The following RBFOX1 variants were observed in gnomAD, a reference collection of about 807,000 sequenced individuals.
The protein encoded by RBFOX1 is RNA binding protein fox-1 homolog 1.
A neutral mutation model predicts 57.7 loss-of-function variants in RBFOX1; 8 were observed. That is an observed-to-expected ratio of 0.14 (90% CI 0.08 to 0.25). The LOEUF is 0.25. Among genes scored for constraint, RBFOX1 ranks in the 10% least tolerant of loss-of-function variants. The pLI, the probability that RBFOX1 is intolerant of heterozygous loss-of-function variation, is 1.00. For missense variants in RBFOX1, 611 were observed against 548.5 expected (o/e 1.11, Z -1.14); for synonymous variants, 326 against 222.4 (o/e 1.47, Z -4.15).
At chr16:6,324,617 G>A (rs2082166463) in intron 2 of RBFOX1, among the ~76,000 whole-genome samples, 1 of 152,170 alleles carries the variant, frequency 6.6e-6, no homozygotes, top group Non-Finnish European at 1.5e-5. Context: ...CCAATGGGAT[G>A]TTACTAAACT....
chr16:6,974,734 T>G (rs2086424106), intron 3 of RBFOX1, among the ~76,000 whole-genome samples: 1 of 152,092 alleles, frequency 6.6e-6, no homozygotes, highest in African/African-American at 2.4e-5. Flanking sequence ...TTTTCTTATC[T>G]CTTAACTGAA....
At chr16:7,284,606 C>G (rs943670232) in intron 4 of RBFOX1, among the ~76,000 whole-genome samples, 14 of 152,182 alleles carry the variant, frequency 9.2e-5, no homozygotes, top group African/African-American at 2.7e-4. Flanking sequence ...GCTAGGATGA[C>G]AGGCATAAGC....
At chr16:5,713,287 G>A (rs1460633032) in intron 3 of RBFOX1, among the ~76,000 whole-genome samples, 2 of 152,276 alleles carry the variant, frequency 1.3e-5, no homozygotes, top group Non-Finnish European at 2.9e-5. Flanking sequence ...ACCTTTGAGC[G>A]ATGAGGGAGA....
intron 2 of RBFOX1, among the ~76,000 whole-genome samples, chr16:5,590,249 G>A (rs2046963929): frequency 1.3e-5 from 2 of 152,084 alleles, no homozygotes; most frequent in Admixed American, 1.3e-4. Context: ...GTGTTCCAAA[G>A]AGGGGAAAAA....
chr16:5,686,910 G>C (rs2050522203), intron 3 of RBFOX1, among the ~76,000 whole-genome samples: 1 of 152,252 alleles, frequency 6.6e-6, no homozygotes, highest in African/African-American at 2.4e-5. Context: ...AATGAGCCTG[G>C]ATTTACTTCA....
chr16:5,304,235 A>G (rs2063876601), intron 1 of RBFOX1, among the ~76,000 whole-genome samples: 1 of 152,202 alleles, frequency 6.6e-6, no homozygotes, highest in South Asian at 2.1e-4. Flanking sequence ...GCTCCTGTGC[A>G]GTAGAATTTA....
intron 3 of RBFOX1, among the ~76,000 whole-genome samples, chr16:6,820,796 A>G (rs1701173222): frequency 6.6e-6 from 1 of 152,202 alleles, no homozygotes; most frequent in Non-Finnish European, 1.5e-5. Flanking sequence ...AAGGCCTGTG[A>G]ATGAGCACAG....
At chr16:6,763,785 T>C (rs1022455805) in intron 3 of RBFOX1, among the ~76,000 whole-genome samples, 2 of 152,232 alleles carry the variant, frequency 1.3e-5, no homozygotes, top group Non-Finnish European at 2.9e-5. Flanking sequence ...TGTTTAAATG[T>C]GTTCACACTG....
chr16:7,713,125 A>G lies in RBFOX1; in HGVS notation c.*2380A>G, dbSNP rs1488953649. On this transcript the variant is annotated 3_prime_UTR_variant, in exon 16 of 16. Coordinates refer to ENST00000550418, the MANE Select transcript of RBFOX1 (RefSeq NM_018723.4). ...AACAGTATTTATTTGGAATGTTTTC[A>G]TTTATCTAAATAACTATTGCTATTA... 6.6e-6 allele frequency: 1 copy of G among 152,166 alleles called. No individual in the cohort carries two copies. The allele number at this position is 152,166 out of a possible 1,614,324, so 9.4% of individuals were successfully genotyped here.
intron 4 of RBFOX1, among the ~76,000 whole-genome samples, chr16:7,440,784 C>T (rs535672272): frequency 6.6e-6 from 1 of 152,070 alleles, no homozygotes; most frequent in Non-Finnish European, 1.5e-5. Flanking sequence ...CAACTTCATC[C>T]CTTCCTCTCT....
rs748095632 is a variant in RBFOX1, at chr16:5,821,288, C to CTTTTTTTT, written c.319-46008_319-46007insTTTTTTTT. On this transcript the variant is annotated intron_variant, in intron 3 of 19. Coordinates refer to the RBFOX1 transcript ENST00000641259. ...GGAAGTGGGCTGTCTGTCATTCTCTCTTTTTTTATTTTTTTTTTTTTTTTT... is the reference window on the plus strand; with the variant it reads ...GGAAGTGGGCTGTCTGTCATTCTCTCTTTTTTTTTTTTTTTATTTTTTTTTTTTTTTTT... 7.2e-5 allele frequency among the ~76,000 whole-genome samples: 9 copies of CTTTTTTTT among 125,446 alleles called. 1 individual carries two copies. The highest frequency in any genetic ancestry group is 2.5e-4 in the South Asian group (1 of 4,010). The allele number at this position is 125,446 out of a possible 152,430, so 82.3% of individuals were successfully genotyped here. A position where few individuals can be genotyped will look rare whatever the true frequency, so the allele number is the denominator to read the frequency against.
intron 4 of RBFOX1, among the ~76,000 whole-genome samples, chr16:6,006,374 G>T (rs1213307275): frequency 9.9e-6 from 1 of 101,340 alleles, no homozygotes; most frequent in African/African-American, 3.8e-5. Flanking sequence ...CCTACTGTAG[G>T]GAAAAAAAAA....
chr16:5,929,128 C>T (rs1391345984), intron 4 of RBFOX1, among the ~76,000 whole-genome samples: 5 of 151,618 alleles, frequency 3.3e-5, no homozygotes, highest in African/African-American at 1.2e-4. Context: ...TTGACAGAGA[C>T]ATTGCTTTGG....
At chr16:6,509,136 A>T (rs2096190798) in intron 2 of RBFOX1, among the ~76,000 whole-genome samples, 1 of 152,222 alleles carries the variant, frequency 6.6e-6, no homozygotes. Context: ...TTTTGTCTTA[A>T]GTAACCCTTA....
intron 5 of RBFOX1, among the ~76,000 whole-genome samples, chr16:7,534,723 C>A (rs10459830): frequency 0.041 from 6,172 of 152,152 alleles, 192 homozygotes; most frequent in East Asian, 0.11. Context: ...GTAAGGGTTC[C>A]TAGGATAGGA....
At chr16:6,783,159 A>G (rs993691723) in intron 3 of RBFOX1, among the ~76,000 whole-genome samples, 1 of 150,346 alleles carries the variant, frequency 6.7e-6, no homozygotes, top group Non-Finnish European at 1.5e-5. Flanking sequence ...GGCAGCATAT[A>G]GTTGGGTCTT....
chr16:5,901,078 C>G (rs541305731), intron 4 of RBFOX1, among the ~76,000 whole-genome samples: 2 of 152,298 alleles, frequency 1.3e-5, no homozygotes, highest in African/African-American at 2.4e-5. Context: ...CTTCTTCACT[C>G]TGTGCTGTGA....
chr16:5,461,690 G>A (rs957160266), intron 1 of RBFOX1, among the ~76,000 whole-genome samples: 3 of 152,122 alleles, frequency 2.0e-5, no homozygotes, highest in African/African-American at 7.2e-5. Context: ...GCATTTGGTG[G>A]GTTTCCTTGG....
chr16:5,908,175 TAC>T lies in RBFOX1; in HGVS notation c.351+40844_351+40845del, dbSNP rs1165602525. Among the ~76,000 whole-genome samples, 560 of 143,686 alleles carry T rather than the reference TAC, an allele frequency of 3.9e-3. 5 individuals are homozygous for T. The highest frequency in any genetic ancestry group is 8.1e-3 in the African/African-American group (308 of 37,960). 94.3% of individuals were successfully genotyped at this position (143,686 alleles called of 152,430 possible). A position where few individuals can be genotyped will look rare whatever the true frequency, so the allele number is the denominator to read the frequency against. On this transcript the variant is annotated intron_variant, in intron 4 of 19. Transcript: ENST00000641259. The stretch of plus-strand genomic sequence containing the variant: ...ATATACACATATATATACACATATA[TAC>T]ACATATATACACATATATACATATA...
Sources: gnomAD v4.1 joint callset for allele counts (sites outside exome capture counted in the v4.1 genomes callset) on GRCh38, gnomAD v4.1.1 for gene constraint, MANE v1.5 for transcripts, NCBI Gene and HGNC (gene_info 2026-07-23, HGNC 2026-07-21) for gene names.